Variants in TENM3 observed in about 807,000 individuals in gnomAD.
TENM3 encodes the protein teneurin-3.
In TENM3, 63 loss-of-function variants were observed where a neutral mutation model predicts 255.1. That is an observed-to-expected ratio of 0.25 (90% confidence interval 0.20 to 0.30). TENM3 has a LOEUF of 0.30. TENM3 is among the 10% of genes least tolerant of loss of function. The pLI, the probability that TENM3 is intolerant of heterozygous loss-of-function variation, is 1.00. For synonymous variants in TENM3, 1,306 were observed against 1,322.3 expected (o/e 0.99, Z 0.27); for missense variants, 2,929 against 3,461.1 (o/e 0.85, Z 3.86).
the TENM3 span, among the ~76,000 whole-genome samples, chr4:181,652,103 T>C: frequency 6.6e-6 from 1 of 150,440 alleles, no homozygotes; most frequent in Non-Finnish European, 1.5e-5. Flanking sequence ...TTCAATCCCA[T>C]TTCTTTTCCC....
At chr4:182,727,264 T>C (rs1211615723) in intron 13 of TENM3, among the ~76,000 whole-genome samples, 1 of 152,070 alleles carries the variant, frequency 6.6e-6, no homozygotes, top group Admixed American at 6.5e-5. Flanking sequence ...GAGATGAGCC[T>C]GGTCAACATG....
the TENM3 span, among the ~76,000 whole-genome samples, chr4:181,475,291 T>C: frequency 0.023 from 3,555 of 152,338 alleles, 65 homozygotes; most frequent in Non-Finnish European, 0.036. Context: ...ATAAATCCAC[T>C]GTCTCCGTAT....
chr4:181,912,603 G>GCCAA, the TENM3 span, among the ~76,000 whole-genome samples: 3 of 151,804 alleles, frequency 2.0e-5, no homozygotes. Flanking sequence ...GACCAGCCTG[G>GCCAA]CCAACATAGT....
chr4:182,323,036 A>G (rs1264800638), intron 1 of TENM3, among the ~76,000 whole-genome samples: 1 of 152,172 alleles, frequency 6.6e-6, no homozygotes, highest in Non-Finnish European at 1.5e-5. Flanking sequence ...AGGAATAAAG[A>G]TAAAGGAGAA....
At chr4:182,545,658 T>C (rs1741365783) in intron 3 of TENM3, among the ~76,000 whole-genome samples, 1 of 152,022 alleles carries the variant, frequency 6.6e-6, no homozygotes, top group Admixed American at 6.6e-5. Flanking sequence ...ACACAGTCAG[T>C]TCCCTCTTCC....
the TENM3 span, among the ~76,000 whole-genome samples, chr4:181,944,800 G>T: frequency 6.6e-6 from 1 of 151,970 alleles, no homozygotes; most frequent in Non-Finnish European, 1.5e-5. Context: ...GGGTCCCCAG[G>T]CAGGACAGAC....
the TENM3 span, among the ~76,000 whole-genome samples, chr4:181,549,112 C>T: frequency 2.0e-5 from 3 of 152,160 alleles, no homozygotes; most frequent in South Asian, 2.1e-4. Context: ...TGTCCCTGAA[C>T]ATACACATTT....
chr4:181,829,244 G>T, the TENM3 span, among the ~76,000 whole-genome samples: 1 of 152,160 alleles, frequency 6.6e-6, no homozygotes, highest in African/African-American at 2.4e-5. Context: ...ATGCTTCTCA[G>T]TTATATTCAG....
the TENM3 span, among the ~76,000 whole-genome samples, chr4:182,081,087 C>T: frequency 6.6e-6 from 1 of 152,046 alleles, no homozygotes; most frequent in South Asian, 2.1e-4. Context: ...ATTTGTAAAA[C>T]AAGATTCATA....
the TENM3 span, among the ~76,000 whole-genome samples, chr4:181,994,968 T>C: frequency 3.5e-4 from 53 of 152,304 alleles, no homozygotes; most frequent in African/African-American, 1.2e-3. Flanking sequence ...ACTACACTTA[T>C]TTATATTTAG....
intron 4 of TENM3, among the ~76,000 whole-genome samples, chr4:182,616,513 A>T (rs1749532189): frequency 1.3e-5 from 1 of 79,188 alleles, no homozygotes; most frequent in East Asian, 3.4e-4. Context: ...CCTAAAACTT[A>T]AAGTATAATA....
At chr4:182,603,969 A>C (rs1420783532) in intron 4 of TENM3, among the ~76,000 whole-genome samples, 2 of 151,998 alleles carry the variant, frequency 1.3e-5, no homozygotes, top group African/African-American at 4.8e-5. Flanking sequence ...GCATGTAATA[A>C]CCCTTGAAAA....
Position 182,168,881 on chromosome 4 carries a change from T to G in TENM3, c.-76+24127T>G, listed in dbSNP as rs560694345. Among the ~76,000 whole-genome samples, 15 of 152,284 alleles carry G rather than the reference T, an allele frequency of 9.9e-5. 1 individual carries two copies. In the South Asian group the frequency reaches 3.1e-3, roughly 32 times the overall value. On this transcript the variant is annotated intron_variant, in intron 1 of 2. Transcript: ENST00000512480. ...ATTTATATCTTCTGAAAAAAATTCA[T>G]GTATATGTTCTGAAAAAATAACACA...
At chr4:182,548,371 AAC>A (rs1282273054) in intron 3 of TENM3, among the ~76,000 whole-genome samples, 1 of 152,126 alleles carries the variant, frequency 6.6e-6, no homozygotes, top group African/African-American at 2.4e-5. Context: ...GTTCACAGTA[AAC>A]ACACGGTTTT....
the TENM3 span, among the ~76,000 whole-genome samples, chr4:181,783,740 C>A: frequency 2.7e-4 from 41 of 152,262 alleles, no homozygotes; most frequent in Non-Finnish European, 4.3e-4. Context: ...GTTGTCCAGG[C>A]GAGAGTGCAG....
chr4:182,595,169 A>G (rs1271307900), intron 3 of TENM3, among the ~76,000 whole-genome samples: 2 of 152,116 alleles, frequency 1.3e-5, no homozygotes, highest in African/African-American at 4.8e-5. Context: ...ATTCATTGTC[A>G]TGTGTCTCAA....
chr4:181,674,460 G>C, the TENM3 span, among the ~76,000 whole-genome samples: 2 of 150,174 alleles, frequency 1.3e-5, no homozygotes, highest in African/African-American at 4.9e-5. Context: ...GAAATGCTGA[G>C]TCAGACAACA....
chr4:181,685,405 G>C, the TENM3 span, among the ~76,000 whole-genome samples: 1 of 152,134 alleles, frequency 6.6e-6, no homozygotes, highest in South Asian at 2.1e-4. Flanking sequence ...GGCATTGTAT[G>C]TTAGTTGGTG....
intron 1 of TENM3, among the ~76,000 whole-genome samples, chr4:182,198,684 T>C (rs1361178653): frequency 6.6e-6 from 1 of 152,120 alleles, no homozygotes; most frequent in African/African-American, 2.4e-5. Context: ...CGAGCAGGTG[T>C]CAGGTAGTGC....
Sources: allele counts gnomAD v4.1 joint callset (sites outside exome capture counted in the v4.1 genomes callset), GRCh38; gene constraint gnomAD v4.1.1; transcripts MANE v1.5; gene names NCBI Gene and HGNC (gene_info 2026-07-23, HGNC 2026-07-21).